The following DLG2 variants were observed in gnomAD, a reference collection of about 807,000 sequenced individuals.
DLG2 encodes the protein disks large homolog 2.
DLG2 carries 45 observed loss-of-function variants against 132.5 expected under a neutral mutation model. That is an observed-to-expected ratio of 0.34 (90% CI 0.27 to 0.44). The LOEUF (loss-of-function observed/expected upper bound fraction) is 0.44. DLG2 is among the 20% of genes least tolerant of loss of function. The pLI, the probability that DLG2 is intolerant of heterozygous loss-of-function variation, is 1.00. For missense variants in DLG2, 1,045 were observed against 1,196.9 expected (o/e 0.87, Z 1.87); for synonymous variants, 424 against 419.6 (o/e 1.01, Z -0.13).
At chr11:85,484,486 A>C (rs902985992) in intron 3 of DLG2, among the ~76,000 whole-genome samples, 302 of 151,108 alleles carry the variant, frequency 2.0e-3, no homozygotes, top group Non-Finnish European at 3.7e-3. Context: ...ATCTACAATG[A>C]ACTCAAACAA....
At chr11:84,187,816 T>A (rs989379709) in intron 8 of DLG2, among the ~76,000 whole-genome samples, 1 of 152,062 alleles carries the variant, frequency 6.6e-6, no homozygotes, top group Non-Finnish European at 1.5e-5. Context: ...ACAGGAATAT[T>A]CCCTGGCTAA....
intron 6 of DLG2, among the ~76,000 whole-genome samples, chr11:84,651,282 T>A (rs528861864): frequency 1.6e-4 from 24 of 152,306 alleles, no homozygotes; most frequent in Non-Finnish European, 3.1e-4. Context: ...GATTTCATCA[T>A]ACTTATTGTT....
At chr11:85,478,217 TC>T (rs1289737339) in intron 3 of DLG2, among the ~76,000 whole-genome samples, 1 of 152,094 alleles carries the variant, frequency 6.6e-6, no homozygotes, top group Non-Finnish European at 1.5e-5. Flanking sequence ...AGAGAGGGTC[TC>T]ACTATGTTGC....
intron 15 of DLG2, among the ~76,000 whole-genome samples, chr11:83,880,042 T>C (rs1018996992): frequency 3.9e-5 from 6 of 152,168 alleles, no homozygotes; most frequent in Non-Finnish European, 5.9e-5. Context: ...AAATATGTGG[T>C]GTGCTCTGGA....
chr11:83,724,699 T>C (rs1339640470), intron 18 of DLG2, among the ~76,000 whole-genome samples: 1 of 151,938 alleles, frequency 6.6e-6, no homozygotes, highest in African/African-American at 2.4e-5. Flanking sequence ...CTGTAGAAAA[T>C]GCCTGCAAGC....
intron 16 of DLG2, among the ~76,000 whole-genome samples, chr11:83,837,058 C>T (rs565216222): frequency 1.3e-3 from 204 of 152,242 alleles, no homozygotes; most frequent in Admixed American, 2.4e-3. Context: ...CCTTGAACCA[C>T]CTTATTCTCC....
At chr11:85,351,555 A>G (rs925556169) in intron 3 of DLG2, among the ~76,000 whole-genome samples, 1 of 152,148 alleles carries the variant, frequency 6.6e-6, no homozygotes, top group African/African-American at 2.4e-5. Flanking sequence ...GTTTGTCATA[A>G]ATAGCTCTTA....
At chr11:83,720,738 CTT>C (rs10690118) in intron 18 of DLG2, 55 of 124,040 alleles carry the variant, frequency 4.4e-4, no homozygotes, top group Admixed American at 1.1e-3. Flanking sequence ...TCAGCCCTCC[CTT>C]TTTTTTTTTT....
At chr11:83,557,320 G>A (rs1239158684) in intron 19 of DLG2, among the ~76,000 whole-genome samples, 1 of 152,208 alleles carries the variant, frequency 6.6e-6, no homozygotes, top group Non-Finnish European at 1.5e-5. Context: ...TGAATGATGA[G>A]GTGATGAGAT....
intron 3 of DLG2, among the ~76,000 whole-genome samples, chr11:85,591,494 G>A (rs977353267): frequency 2.6e-5 from 4 of 152,036 alleles, no homozygotes; most frequent in South Asian, 2.1e-4. Flanking sequence ...TAATCCCAGC[G>A]CTTTGGGAGG....
intron 16 of DLG2, among the ~76,000 whole-genome samples, chr11:83,870,283 G>T (rs147150768): frequency 0.014 from 2,085 of 152,234 alleles, 21 homozygotes; most frequent in Non-Finnish European, 0.022. Context: ...CAACCTCCTC[G>T]AAGTATTTCA....
At chr11:85,468,182 T>A (rs2092862793) in intron 3 of DLG2, among the ~76,000 whole-genome samples, 1 of 152,096 alleles carries the variant, frequency 6.6e-6, no homozygotes, top group Non-Finnish European at 1.5e-5. Context: ...TTTTTTTGCA[T>A]CTATTTGATT....
At chr11:85,448,175 T>C (rs1414050840) in intron 3 of DLG2, among the ~76,000 whole-genome samples, 1 of 152,222 alleles carries the variant, frequency 6.6e-6, no homozygotes, top group African/African-American at 2.4e-5. Context: ...GAGGAATAAT[T>C]TTCCTGCTTT....
At chr11:85,468,468 T>C (rs907984210) in intron 3 of DLG2, among the ~76,000 whole-genome samples, 3 of 152,244 alleles carry the variant, frequency 2.0e-5, no homozygotes, top group Non-Finnish European at 2.9e-5. Context: ...GATTTCCCTC[T>C]ACACACTGCT....
intron 7 of DLG2, among the ~76,000 whole-genome samples, chr11:84,470,068 CAT>C (rs2099104698): frequency 6.6e-6 from 1 of 151,672 alleles, no homozygotes; most frequent in Non-Finnish European, 1.5e-5. Flanking sequence ...CATATCTAAA[CAT>C]AGACAAGGTA....
chr11:84,378,134 G>A (rs1005074703), intron 7 of DLG2, among the ~76,000 whole-genome samples: 6 of 152,142 alleles, frequency 3.9e-5, no homozygotes, highest in African/African-American at 1.4e-4. Flanking sequence ...TTTGGAGATG[G>A]GGCCCCTAAG....
At chr11:83,692,591 T>C (rs951185702) in intron 18 of DLG2, among the ~76,000 whole-genome samples, 12 of 152,190 alleles carry the variant, frequency 7.9e-5, no homozygotes, top group South Asian at 2.1e-4. Flanking sequence ...GTGAATATAA[T>C]AAAATCCACT....
At chr11:85,210,985 T>C (rs565793978) in intron 4 of DLG2, among the ~76,000 whole-genome samples, 1 of 152,256 alleles carries the variant, frequency 6.6e-6, no homozygotes, top group South Asian at 2.1e-4. Flanking sequence ...CATCTAATTC[T>C]GTCTTGGTGT....
At chr11:85,482,175 C>A (rs1411041314) in intron 3 of DLG2, among the ~76,000 whole-genome samples, 1 of 152,038 alleles carries the variant, frequency 6.6e-6, no homozygotes, top group East Asian at 1.9e-4. Context: ...ACCATCAGGC[C>A]AACTCCTGCA....
Sources: gnomAD v4.1 joint callset for allele counts (sites outside exome capture counted in the v4.1 genomes callset) on GRCh38, gnomAD v4.1.1 for gene constraint, MANE v1.5 for transcripts, NCBI Gene and HGNC (gene_info 2026-07-23, HGNC 2026-07-21) for gene names.